Variants in GRM5 observed in about 807,000 individuals in gnomAD.
GRM5 encodes metabotropic glutamate receptor 5.
Under a neutral mutation model 83.1 loss-of-function variants are expected in GRM5, and 19 were observed. That is an observed-to-expected ratio of 0.23 (90% confidence interval 0.16 to 0.34). The LOEUF (loss-of-function observed/expected upper bound fraction) is 0.34. Among genes scored for constraint, GRM5 ranks in the 10% least tolerant of loss-of-function variants. GRM5 has a pLI of 1.00. For missense variants in GRM5, 1,160 were observed against 1,588.3 expected (o/e 0.73, Z 4.58); for synonymous variants, 675 against 633.6 (o/e 1.07, Z -0.98).
At chr11:88,768,204 T>G (rs979447733) in intron 3 of GRM5, among the ~76,000 whole-genome samples, 1 of 152,004 alleles carries the variant, frequency 6.6e-6, no homozygotes, top group African/African-American at 2.4e-5. Context: ...TGCCCACTGA[T>G]GGATGGACGG....
At chr11:88,625,580 T>C (rs570904471) in intron 4 of GRM5, among the ~76,000 whole-genome samples, 2 of 152,096 alleles carry the variant, frequency 1.3e-5, no homozygotes, top group African/African-American at 4.8e-5. Flanking sequence ...GAATAGGCCA[T>C]GCAACTTACT....
chr11:88,743,422 T>A lies in GRM5; in HGVS notation c.912-90019A>T, dbSNP rs117089087. 5.1e-3 allele frequency among the ~76,000 whole-genome samples: 773 copies of A among 152,252 alleles called. 13 individuals are homozygous for A. The highest frequency in any genetic ancestry group is 0.025 in the East Asian group (131 of 5,160). ...TGAGTATAATGGAACTTTATCTCAA[T>A]CTCAGTTTCCAAACATCTAGGACAT... On this transcript the variant is annotated intron_variant, in intron 3 of 9. Coordinates refer to ENST00000305447, the MANE Select transcript of GRM5 (RefSeq NM_001143831.3).
At chr11:88,703,068 T>C (rs1337178018) in intron 3 of GRM5, among the ~76,000 whole-genome samples, 5 of 135,164 alleles carry the variant, frequency 3.7e-5, no homozygotes, top group Non-Finnish European at 1.7e-5. Context: ...AATTAGCAAA[T>C]ATTTTCTCAA....
At chr11:88,950,351 AGTGTGT>A (rs55646353) in intron 2 of GRM5, among the ~76,000 whole-genome samples, 27 of 147,490 alleles carry the variant, frequency 1.8e-4, no homozygotes, top group African/African-American at 5.5e-4. Context: ...TTGTGAGATA[AGTGTGT>A]GTGTGTGTGT....
rs1939684813 is a variant in GRM5 at position 88,653,367 on chromosome 11, T to C, written c.948A>G (p.Gly316=). The change falls in exon 4 of 10, where the codon GGA becomes GGG. Residue 316 remains glycine, a synonymous_variant. Transcript: ENST00000305447. Reference sequence around the variant, plus strand: ...TGCCACCAACAGCTTCTCGCTGATATCCATCTGTCACATCATACCTGTCAG... The same window carrying C: ...TGCCACCAACAGCTTCTCGCTGATACCCATCTGTCACATCATACCTGTCAG... ...GWADRYDVTD[G]YQREAVGGIT... 4 of 1,612,838 alleles carry C rather than the reference T, an allele frequency of 2.5e-6. No homozygotes were observed. Among genetic ancestry groups the C allele is most frequent in the Non-Finnish European group, 3.4e-6 (4 of 1,179,190 alleles).
intron 2 of GRM5, among the ~76,000 whole-genome samples, chr11:88,856,403 G>C (rs1320261830): frequency 1.3e-5 from 2 of 151,876 alleles, no homozygotes; most frequent in African/African-American, 4.8e-5. Context: ...TGCCTTTCAC[G>C]TCCACTTCCA....
intron 3 of GRM5, among the ~76,000 whole-genome samples, chr11:88,677,802 A>G (rs577457295): frequency 6.6e-6 from 1 of 152,242 alleles, no homozygotes; most frequent in South Asian, 2.1e-4. Flanking sequence ...TTGCTACATT[A>G]AACATTTAAT....
At chr11:88,916,631 G>A (rs369325472) in intron 2 of GRM5, among the ~76,000 whole-genome samples, 8 of 151,972 alleles carry the variant, frequency 5.3e-5, no homozygotes, top group East Asian at 1.9e-4. Context: ...GCTTTGCTGG[G>A]CTTGGAGCCA....
At chr11:88,872,877 A>C (rs1361095075) in intron 2 of GRM5, among the ~76,000 whole-genome samples, 1 of 151,570 alleles carries the variant, frequency 6.6e-6, no homozygotes, top group Non-Finnish European at 1.5e-5. Context: ...CATTTACCTT[A>C]TATGTAAATG....
chr11:88,813,185 T>A (rs1272258102), intron 3 of GRM5, among the ~76,000 whole-genome samples: 2 of 152,196 alleles, frequency 1.3e-5, no homozygotes. Flanking sequence ...CAGGTTTGTA[T>A]CACAAATAAA....
chr11:89,065,600 G>T (rs1237343451), intron 1 of GRM5, among the ~76,000 whole-genome samples, 176 bp downstream of exon 1: 1 of 152,068 alleles, frequency 6.6e-6, no homozygotes, highest in African/African-American at 2.4e-5. Context: ...ACCTCGTAGC[G>T]TTCCTGGCTC....
At position 88,620,671 on chromosome 11, in the gene GRM5, T is replaced by C. The variant is rs192415785; in HGVS notation, c.1148-15707A>G. Among the ~76,000 whole-genome samples the C allele has an allele frequency of 1.8e-4, 27 of 152,250 alleles. No homozygotes were observed. The East Asian group carries it at 5.2e-3, about 29-fold the overall frequency. On this transcript the variant is annotated intron_variant, in intron 4 of 9. Transcript: ENST00000305447. ...TGTAGGGAAGAAAACAAATAGTCTA[T>C]GAAAAGGGTGGAGTAACTGATGACA...
At chr11:88,619,549 T>C (rs189258172) in intron 4 of GRM5, among the ~76,000 whole-genome samples, 1 of 152,228 alleles carries the variant, frequency 6.6e-6, no homozygotes, top group African/African-American at 2.4e-5. Context: ...CCTAAAGTCA[T>C]ACCTCTAGTT....
At chr11:89,036,283 T>C (rs1308917783) in intron 2 of GRM5, among the ~76,000 whole-genome samples, 2 of 152,072 alleles carry the variant, frequency 1.3e-5, no homozygotes, top group African/African-American at 4.8e-5. Context: ...ATAAGCACCC[T>C]ACCTTTTTCG....
intron 2 of GRM5, among the ~76,000 whole-genome samples, chr11:88,866,320 G>T (rs1293073703): frequency 6.6e-6 from 1 of 151,998 alleles, no homozygotes; most frequent in Non-Finnish European, 1.5e-5. Context: ...ACCAAACACT[G>T]CATGTTCTCG....
In GRM5 at chr11:89,048,046, G is replaced by A; in HGVS notation, c.-174C>T. The A allele has an allele frequency of 1.7e-6, 1 of 584,896 alleles. No homozygotes were observed. The highest frequency in any genetic ancestry group is 1.9e-5 in the African/African-American group (1 of 53,134). The allele number at this position is 584,896 out of a possible 1,614,324, so 36.2% of individuals were successfully genotyped here. A position where few individuals can be genotyped will look rare whatever the true frequency, so the allele number is the denominator to read the frequency against. On this transcript the variant is annotated 5_prime_UTR_variant, in exon 2 of 10. Transcript: ENST00000305447. Reference sequence around the variant, plus strand: ...GTCCCCATGTACCATTTAGTTAGATGATCCATGTGGTCATGATCTTCTAAA... The same window carrying A: ...GTCCCCATGTACCATTTAGTTAGATAATCCATGTGGTCATGATCTTCTAAA...
intron 2 of GRM5, among the ~76,000 whole-genome samples, chr11:88,957,575 A>G (rs1412293734): frequency 1.3e-5 from 2 of 152,202 alleles, no homozygotes; most frequent in Non-Finnish European, 2.9e-5. Context: ...AGACATCACT[A>G]TAAAATCACA....
intron 2 of GRM5, among the ~76,000 whole-genome samples, chr11:88,865,954 T>C (rs1174554328): frequency 6.6e-6 from 1 of 152,114 alleles, no homozygotes; most frequent in Non-Finnish European, 1.5e-5. Flanking sequence ...TTTACACTGT[T>C]GGTGGAAGTG....
intron 2 of GRM5, among the ~76,000 whole-genome samples, chr11:88,870,905 A>AAAT (rs1324294318): frequency 2.0e-5 from 3 of 151,276 alleles, no homozygotes; most frequent in South Asian, 2.1e-4. Flanking sequence ...GGTTGTTTGA[A>AAAT]AATAATAATA....
Sources: gnomAD v4.1 joint callset for allele counts (sites outside exome capture counted in the v4.1 genomes callset) on GRCh38, gnomAD v4.1.1 for gene constraint, MANE v1.5 for transcripts, NCBI Gene and HGNC (gene_info 2026-07-23, HGNC 2026-07-21) for gene names.